CABP1: variants seen among roughly 807,000 people sequenced by gnomAD.
CABP1 encodes calcium binding protein 1.
In CABP1, 17 loss-of-function variants were observed where a neutral mutation model predicts 34.3. That is an observed-to-expected ratio of 0.50 (90% CI 0.34 to 0.74). CABP1 has a LOEUF of 0.74. Ranked by LOEUF, CABP1 falls within the 30% of genes least tolerant of loss-of-function variation. The pLI, the probability that CABP1 is intolerant of heterozygous loss-of-function variation, is 0.01. For missense variants in CABP1, 373 were observed against 511.1 expected (o/e 0.73, Z 2.61); for synonymous variants, 198 against 229.2 (o/e 0.86, Z 1.23).
intron 1 of CABP1, among the ~76,000 whole-genome samples, chr12:120,656,474 A>T (rs550243080): frequency 6.6e-6 from 1 of 152,290 alleles, no homozygotes; most frequent in African/African-American, 2.4e-5. Context: ...TAATAATAAT[A>T]TCAGATACAT....
At chr12:120,673,409 C>G in the CABP1 span, among the ~76,000 whole-genome samples, 2 of 151,998 alleles carry the variant, frequency 1.3e-5, no homozygotes, top group African/African-American at 4.8e-5. Context: ...ATGGTGAAAC[C>G]CCGTCTCTAC....
intron 1 of CABP1, chr12:120,650,805 G>A: frequency 9.9e-7 from 1 of 1,006,816 alleles, no homozygotes; most frequent in South Asian, 1.4e-5. Context: ...TTCTGTCCAG[G>A]GCTGCCTCCC....
At chr12:120,664,891 A>AAGAG (rs952739976) in intron 5 of CABP1, among the ~76,000 whole-genome samples, 1 of 151,214 alleles carries the variant, frequency 6.6e-6, no homozygotes, top group Non-Finnish European at 1.5e-5. Context: ...AAAAAAAAAA[A>AAGAG]AGAGAGAGAG....
chr12:120,642,990 C>A (rs1879404033), intron 1 of CABP1, among the ~76,000 whole-genome samples: 1 of 7,756 alleles, frequency 1.3e-4, no homozygotes. Context: ...TCTGACTCAG[C>A]TCCTGAAAAA....
In CABP1 at chr12:120,661,169, A is replaced by G. The variant is rs764053015; in HGVS notation, c.1038A>G (p.Glu346=). Residue 346 remains glutamate (E), a synonymous_variant, in exon 5 of 6, where the codon GAA becomes GAG. Coordinates refer to ENST00000316803, the MANE Select transcript of CABP1 (RefSeq NM_001033677.2). This position sits in a 1 kb window ranked among gnomAD's most constrained non-coding sequence, Gnocchi z 5.1. ...GHQVGHRDIE[E]IIRDVDLNGD... is the part of the protein sequence containing the mutation. Reference sequence around the variant, plus strand: ...AGGTGGGACACCGAGACATAGAGGAAATTATCCGAGATGTGGACCTCAATG... The same window carrying G: ...AGGTGGGACACCGAGACATAGAGGAGATTATCCGAGATGTGGACCTCAATG... 1 of 1,612,700 alleles carries G rather than the reference A, an allele frequency of 6.2e-7. No homozygotes were observed. Among genetic ancestry groups the G allele is most frequent in the Non-Finnish European group, 8.5e-7 (1 of 1,179,972 alleles).
chr12:120,654,252 T>G (rs1215471601), intron 1 of CABP1, among the ~76,000 whole-genome samples: 2 of 152,096 alleles, frequency 1.3e-5, no homozygotes, highest in East Asian at 3.9e-4. Context: ...CCAGCCTGAG[T>G]AGCTGCTTCC....
At chr12:120,658,469 C>T (rs1278146378) in intron 1 of CABP1, among the ~76,000 whole-genome samples, 1 of 152,084 alleles carries the variant, frequency 6.6e-6, no homozygotes, top group African/African-American at 2.4e-5. Flanking sequence ...TGACTCCTAC[C>T]CCCAGCCTGG....
chr12:120,640,713 A>G lies in CABP1; in HGVS notation c.28A>G (p.Lys10Glu). Residue 10 changes from lysine to glutamate, a missense_variant, in exon 1 of 6, where the codon AAG (lysine) becomes GAG (glutamate). Lys to Glu is a moderately conservative substitution (Grantham distance 56). Around this residue, in one of 4 missense-constraint regions of CABP1, gnomAD observed 134 missense variants for 145.4 expected, o/e 0.92. Coordinates refer to ENST00000316803, the MANE Select transcript of CABP1 (RefSeq NM_001033677.2). The surrounding 1 kb of genome is among the most constrained non-coding windows in gnomAD (Gnocchi z 6.2). MGGGDGAAFKRPGDGARLQR... is the reference protein window; with the variant it reads MGGGDGAAFERPGDGARLQR... Reference sequence around the variant, plus strand: ...GGGCGGCGGCGACGGGGCCGCATTTAAGCGGCCGGGGGACGGCGCCCGCCT... The same window carrying G: ...GGGCGGCGGCGACGGGGCCGCATTTGAGCGGCCGGGGGACGGCGCCCGCCT... 1 of 1,154,618 alleles carries G rather than the reference A, an allele frequency of 8.7e-7. No individual in the cohort carries two copies. Among genetic ancestry groups the G allele is most frequent in the Non-Finnish European group, 1.1e-6 (1 of 940,092 alleles). The allele number at this position is 1,154,618 out of a possible 1,614,324, so 71.5% of individuals were successfully genotyped here. A position where few individuals can be genotyped will look rare whatever the true frequency, so the allele number is the denominator to read the frequency against.
At chr12:120,653,596 C>T (rs978129056) in intron 1 of CABP1, among the ~76,000 whole-genome samples, 8 of 152,106 alleles carry the variant, frequency 5.3e-5, no homozygotes, top group African/African-American at 1.2e-4. Context: ...AGTGCAGTGG[C>T]GCATCTCGGC....
intron 1 of CABP1, among the ~76,000 whole-genome samples, chr12:120,652,011 T>C (rs1310105687): frequency 1.3e-5 from 2 of 152,224 alleles, no homozygotes; most frequent in African/African-American, 4.8e-5. Flanking sequence ...CACAACAGCA[T>C]GCTTAAGAGT....
chr12:120,665,612 CTG>C lies in CABP1; in HGVS notation c.1088-1258_1088-1257del, dbSNP rs140780247. Among the ~76,000 whole-genome samples the C allele has an allele frequency of 0.02, 3,030 of 152,044 alleles. 198 individuals are homozygous for C. The East Asian group carries it at 0.25, about 13-fold the overall frequency. On this transcript the variant is annotated intron_variant, in intron 5 of 5. Transcript: ENST00000316803. ...TCTCACTTACAACAAATGCACCACT[CTG>C]TGTGGGATGTGGTTGGTGTGGGAGG...
intron 5 of CABP1, among the ~76,000 whole-genome samples, chr12:120,665,803 C>T (rs1455685738): frequency 1.3e-5 from 2 of 151,868 alleles, no homozygotes; most frequent in Non-Finnish European, 2.9e-5. Flanking sequence ...GGGCGGATCA[C>T]GAGGTCAGGA....
chr12:120,643,550 T>C (rs778463172), intron 1 of CABP1, among the ~76,000 whole-genome samples: 6 of 152,252 alleles, frequency 3.9e-5, no homozygotes, highest in Non-Finnish European at 8.8e-5. Flanking sequence ...TCATTTGTTT[T>C]TAACTTAAGT....
At chr12:120,666,203 TAAA>T (rs78315987) in intron 5 of CABP1, among the ~76,000 whole-genome samples, 52 of 107,004 alleles carry the variant, frequency 4.9e-4, no homozygotes, top group African/African-American at 1.4e-3. Flanking sequence ...GTCTCTACAT[TAAA>T]AAAAAAAAAA....
Position 120,641,259 on chromosome 12 carries a change from G to A in CABP1, c.574G>A (p.Asp192Asn). ...RGSLRARGRG[D>N]SVPAAASEAD... ...CTCTCTGCGAGCCCGGGGCCGCGGG[G>A]ACTCCGTTCCAGCCGCCGCGTCCGA... is the stretch of plus-strand genomic sequence containing the variant. The change falls in exon 1 of 6, where the codon GAC becomes AAC. Residue 192 changes from aspartate to asparagine, a missense_variant. Asp to Asn is a conservative substitution (Grantham distance 23). This residue lies in a region of CABP1 where 121 missense variants were observed against 125.5 expected (regional missense o/e 0.96). Coordinates refer to ENST00000316803, the MANE Select transcript of CABP1 (RefSeq NM_001033677.2). This position sits in a 1 kb window ranked among gnomAD's most constrained non-coding sequence, Gnocchi z 6.7. 2 of 1,298,120 alleles carry A rather than the reference G, an allele frequency of 1.5e-6. No homozygotes were observed. The highest frequency in any genetic ancestry group is 1.9e-6 in the Non-Finnish European group (2 of 1,025,998). The allele number at this position is 1,298,120 out of a possible 1,614,324, so 80.4% of individuals were successfully genotyped here. A position where few individuals can be genotyped will look rare whatever the true frequency, so the allele number is the denominator to read the frequency against.
At chr12:120,651,623 C>A (rs1254378856) in intron 1 of CABP1, among the ~76,000 whole-genome samples, 1 of 152,198 alleles carries the variant, frequency 6.6e-6, no homozygotes, top group Non-Finnish European at 1.5e-5. Flanking sequence ...AGTGACTTAC[C>A]TATGGCCTCG....
At chr12:120,664,237 G>A (rs1325587384) in intron 5 of CABP1, among the ~76,000 whole-genome samples, 1 of 152,194 alleles carries the variant, frequency 6.6e-6, no homozygotes, top group African/African-American at 2.4e-5. Context: ...GAAAACCAGA[G>A]AAAACAATAG....
chr12:120,674,901 C>T, the CABP1 span, among the ~76,000 whole-genome samples: 1 of 147,134 alleles, frequency 6.8e-6, no homozygotes, highest in African/African-American at 2.6e-5. Context: ...CCAACACCCA[C>T]CTCCGCCAAA....
the CABP1 span, among the ~76,000 whole-genome samples, chr12:120,673,883 A>G: frequency 6.6e-6 from 1 of 152,202 alleles, no homozygotes; most frequent in Non-Finnish European, 1.5e-5. Flanking sequence ...CGCAGTAAGC[A>G]TCGTAAATGT....
Sources: allele counts gnomAD v4.1 joint callset (sites outside exome capture counted in the v4.1 genomes callset), GRCh38; gene constraint gnomAD v4.1.1; regional missense constraint gnomAD v4.1.1; non-coding constraint Gnocchi (gnomAD v3.1); transcripts MANE v1.5; gene names NCBI Gene and HGNC (gene_info 2026-07-23, HGNC 2026-07-21).